Variants in BACE2 observed in about 807,000 individuals in gnomAD.
The protein encoded by BACE2 is beta-secretase 2.
A neutral mutation model predicts 46.2 loss-of-function variants in BACE2; 17 were observed. The ratio of observed to expected loss-of-function variants is 0.37; its 90% CI spans 0.25 to 0.55. BACE2 has a LOEUF of 0.55. Among genes scored for constraint, BACE2 ranks in the 20% least tolerant of loss-of-function variants. BACE2 has a pLI of 0.82. For missense variants in BACE2, 595 were observed against 698.1 expected (o/e 0.85, Z 1.66); for synonymous variants, 277 against 295.9 (o/e 0.94, Z 0.66).
intron 1 of BACE2, chr21:41,183,138 G>A (rs552426133): frequency 3.0e-4 from 50 of 166,014 alleles, no homozygotes; most frequent in Non-Finnish European, 3.5e-4. Flanking sequence ...TCCCATTTAC[G>A]TGTATTTAAT....
chr21:41,272,015 T>C (rs1197789193), intron 8 of BACE2, among the ~76,000 whole-genome samples: 2 of 152,068 alleles, frequency 1.3e-5, no homozygotes, highest in Non-Finnish European at 2.9e-5. Flanking sequence ...TGTGATGTGT[T>C]CTCTCAGCTT....
intron 1 of BACE2, among the ~76,000 whole-genome samples, chr21:41,188,631 A>G (rs189100216): frequency 2.8e-4 from 43 of 152,354 alleles, no homozygotes; most frequent in African/African-American, 9.4e-4. Context: ...CAAGAATCCT[A>G]TGTGAATCTG....
At chr21:41,216,437 G>A (rs751376029) in intron 1 of BACE2, among the ~76,000 whole-genome samples, 1 of 152,240 alleles carries the variant, frequency 6.6e-6, no homozygotes, top group Non-Finnish European at 1.5e-5. Context: ...TGCTGGAACT[G>A]CCACGGAAGA....
chr21:41,208,002 A>G lies in BACE2; in HGVS notation c.313-18264A>G, dbSNP rs143205077. Among the ~76,000 whole-genome samples the G allele has an allele frequency of 5.3e-5, 8 of 152,264 alleles. No individual in the cohort carries two copies. In the South Asian group the frequency reaches 8.3e-4, roughly 16 times the overall value. The stretch of plus-strand genomic sequence containing the variant: ...GATTCTGGCCCTGGTTCTGCCTATC[A>G]CTGGCCAGACAGCCCTAAACCAAGC... On this transcript the variant is annotated intron_variant, in intron 1 of 8. Transcript: ENST00000330333.
At chr21:41,204,276 G>A (rs1329923240) in intron 1 of BACE2, among the ~76,000 whole-genome samples, 1 of 152,174 alleles carries the variant, frequency 6.6e-6, no homozygotes, top group East Asian at 1.9e-4. Context: ...CCTGACCTCA[G>A]GTGATCTGGC....
Position 41,227,318 on chromosome 21 carries a change from G to C in BACE2, c.401+964G>C, listed in dbSNP as rs1437483564. Among the ~76,000 whole-genome samples the C allele has an allele frequency of 3.3e-5, 5 of 152,234 alleles. 1 individual carries two copies. In the East Asian group the frequency reaches 5.8e-4, roughly 18 times the overall value. On this transcript the variant is annotated intron_variant, in intron 2 of 8. Coordinates refer to ENST00000330333, the MANE Select transcript of BACE2 (RefSeq NM_012105.5). ...CTAGAGGCTCGGAACTGTCACATTA[G>C]GTTTCCCTACTGTAAATTCTTTTCC...
At chr21:41,184,177 G>A (rs1985266469) in intron 1 of BACE2, 1 of 167,018 alleles carries the variant, frequency 6.0e-6, no homozygotes, top group Non-Finnish European at 1.5e-5. Context: ...ATACCCAGGA[G>A]AGCTTGCCCT....
intron 2 of BACE2, among the ~76,000 whole-genome samples, chr21:41,231,846 G>A (rs755441168): frequency 4.6e-5 from 7 of 152,098 alleles, no homozygotes; most frequent in African/African-American, 9.7e-5. Context: ...CATTTTAGTC[G>A]CAAGAGGTGG....
At chr21:41,179,770 A>T (rs952347106) in intron 1 of BACE2, 1 of 690,158 alleles carries the variant, frequency 1.4e-6, no homozygotes. Context: ...TGGGGTGGAG[A>T]AGACCACAGA....
At chr21:41,267,717 G>T (rs1291752062) in intron 8 of BACE2, among the ~76,000 whole-genome samples, 3 of 122,776 alleles carry the variant, frequency 2.4e-5, no homozygotes, top group African/African-American at 9.2e-5. Flanking sequence ...GTGTAGATCA[G>T]GCTGCTCTGT....
intron 1 of BACE2, chr21:41,181,543 A>G (rs1396725348): frequency 6.0e-6 from 1 of 167,068 alleles, no homozygotes; most frequent in Non-Finnish European, 1.5e-5. Flanking sequence ...TGGCAACTAG[A>G]GTTGGACCAG....
chr21:41,173,754 G>T (rs774543840), intron 1 of BACE2, among the ~76,000 whole-genome samples: 2 of 152,052 alleles, frequency 1.3e-5, no homozygotes, highest in Non-Finnish European at 2.9e-5. Flanking sequence ...TCGAAAAAAA[G>T]AATTTAAAAT....
chr21:41,193,408 C>T lies in BACE2; in HGVS notation c.312+24833C>T, dbSNP rs1451622646. Among the ~76,000 whole-genome samples the T allele has an allele frequency of 1.3e-5, 2 of 152,330 alleles. No individual in the cohort carries two copies. The highest frequency in any genetic ancestry group is 4.8e-5 in the African/African-American group (2 of 41,562). On this transcript the variant is annotated intron_variant, in intron 1 of 8. Coordinates refer to ENST00000330333, the MANE Select transcript of BACE2 (RefSeq NM_012105.5). The surrounding 1 kb of genome is among the most constrained non-coding windows in gnomAD (Gnocchi z 4.2). ...ACCACTTGGTTAAGCTTACAGTAAC[C>T]CACTGTCATTCTCCAAGATCCGTCT...
chr21:41,269,277 A>G (rs922928034), intron 8 of BACE2, among the ~76,000 whole-genome samples: 28 of 152,158 alleles, frequency 1.8e-4, no homozygotes, highest in African/African-American at 6.8e-4. Context: ...TCTAATCTCA[A>G]TGAGATTATA....
At position 41,237,556 on chromosome 21, in the gene BACE2, T is replaced by G; in HGVS notation, c.445T>G (p.Tyr149Asp). 6.2e-7 allele frequency: 1 copy of G among 1,614,232 alleles called. No homozygotes were observed. The highest frequency in any genetic ancestry group is 8.5e-7 in the Non-Finnish European group (1 of 1,180,022). Residue 149 changes from tyrosine (Y) to aspartate (D), a missense_variant, in exon 3 of 9, where the codon TAC becomes GAC. Physicochemically the swap from Tyr to Asp is radical, Grantham distance 160. Coordinates refer to ENST00000330333, the MANE Select transcript of BACE2 (RefSeq NM_012105.5). ...RSKGFDVTVK[Y>D]TQGSWTGFVG... ...CAAGGGCTTTGACGTCACAGTGAAG[T>G]ACACACAAGGAAGCTGGACGGGCTT...
At chr21:41,227,518 T>A (rs1986855210) in intron 2 of BACE2, among the ~76,000 whole-genome samples, 1 of 152,166 alleles carries the variant, frequency 6.6e-6, no homozygotes, top group African/African-American at 2.4e-5. Context: ...GAGGAAACCC[T>A]GTATATCTAT....
chr21:41,273,098 G>T (rs1310735103), intron 8 of BACE2, among the ~76,000 whole-genome samples: 1 of 152,140 alleles, frequency 6.6e-6, no homozygotes, highest in Non-Finnish European at 1.5e-5. Flanking sequence ...TTTTCAAAGG[G>T]GAGGGAGTGT....
intron 1 of BACE2, among the ~76,000 whole-genome samples, chr21:41,194,456 G>C (rs1182935480): frequency 6.6e-6 from 1 of 152,172 alleles, no homozygotes; most frequent in African/African-American, 2.4e-5. Flanking sequence ...TTGCAACAAA[G>C]GACACAGTTG....
At chr21:41,206,663 G>C (rs908114768) in intron 1 of BACE2, among the ~76,000 whole-genome samples, 1 of 152,138 alleles carries the variant, frequency 6.6e-6, no homozygotes. Flanking sequence ...AATGGGTAAC[G>C]GGTTTCAGTT....
Sources: gnomAD v4.1 joint callset for allele counts (sites outside exome capture counted in the v4.1 genomes callset) on GRCh38, gnomAD v4.1.1 for gene constraint, Gnocchi (gnomAD v3.1) non-coding constraint, MANE v1.5 for transcripts, NCBI Gene and HGNC (gene_info 2026-07-23, HGNC 2026-07-21) for gene names.